Variants in CDK5RAP1 observed in about 807,000 individuals in gnomAD.
The protein encoded by CDK5RAP1 is mitochondrial tRNA methylthiotransferase CDK5RAP1.
CDK5RAP1 carries 62 observed loss-of-function variants against 64.5 expected under a neutral mutation model. The observed-to-expected ratio is 0.96, with a 90% confidence interval of 0.78 to 1.19. The LOEUF (loss-of-function observed/expected upper bound fraction) is 1.19, where lower values mean the gene tolerates loss of function less well. Ranked by LOEUF, CDK5RAP1 falls within the 50% of genes most tolerant of loss-of-function variation. The pLI is 0.00. For missense variants in CDK5RAP1, 657 were observed against 735.0 expected, an observed-to-expected ratio of 0.89 and a Z score of 1.23; for synonymous variants, 250 against 261.9, an observed-to-expected ratio of 0.95 and a Z score of 0.44.
chr20:33,392,502 T>TA (rs1213605526), intron 4 of CDK5RAP1, among the ~76,000 whole-genome samples: 1 of 150,944 alleles, frequency 6.6e-6, no homozygotes, highest in Non-Finnish European at 1.5e-5. Flanking sequence ...CAGCTATTAT[T>TA]AGTGTTAGTG....
chr20:33,395,405 T>C (rs1227819672), intron 2 of CDK5RAP1, among the ~76,000 whole-genome samples: 1 of 152,034 alleles, frequency 6.6e-6, no homozygotes, highest in Admixed American at 6.6e-5. Flanking sequence ...CCCAGGAGTT[T>C]GAGACCAGCC....
chr20:33,360,030 A>G, intron 13 of CDK5RAP1: 1 of 251,660 alleles, frequency 4.0e-6, no homozygotes, highest in South Asian at 7.7e-5. Context: ...GTTGATCTCC[A>G]ACAGGGAACA....
intron 5 of CDK5RAP1, among the ~76,000 whole-genome samples, chr20:33,388,831 T>A (rs552546084): frequency 1.3e-5 from 2 of 152,226 alleles, no homozygotes; most frequent in East Asian, 3.9e-4. Flanking sequence ...TTCGCTGTGT[T>A]GGCCGGGCTG....
rs2146574727 is a variant in CDK5RAP1 at position 33,361,952 on chromosome 20, T to C, written c.1543-1461A>G. Among the ~76,000 whole-genome samples the C allele has an allele frequency of 4.0e-5, 3 of 75,274 alleles. No homozygotes were observed. In the South Asian group the frequency reaches 1.6e-3, roughly 40 times the overall value. 49.4% of individuals were successfully genotyped at this position (75,274 alleles called of 152,430 possible). A position where few individuals can be genotyped will look rare whatever the true frequency, so the allele number is the denominator to read the frequency against. On this transcript the variant is annotated intron_variant, in intron 12 of 13. Coordinates refer to ENST00000346416, the MANE Select transcript of CDK5RAP1 (RefSeq NM_016408.4). ...GTGTGGGCAACAGAGTGAGCCTCAGTCTCAAAAAAAAAAAAAAAAAAAAGG... is the reference window on the plus strand; with the variant it reads ...GTGTGGGCAACAGAGTGAGCCTCAGCCTCAAAAAAAAAAAAAAAAAAAAGG...
At chr20:33,369,704 C>A (rs1984665101) in intron 11 of CDK5RAP1, among the ~76,000 whole-genome samples, 2 of 152,080 alleles carry the variant, frequency 1.3e-5, no homozygotes, top group South Asian at 4.1e-4. Flanking sequence ...CTGCCTGAGC[C>A]AGGAGTTTGA....
At position 33,366,850 on chromosome 20, in the gene CDK5RAP1, T is replaced by C. The variant is rs374120005; in HGVS notation, c.1542+9A>G. On this transcript the variant is annotated intron_variant, in intron 12 of 13. Transcript: ENST00000346416. ...AAAAACAACATAACACACACACATA[T>C]GGCCTCACCCCTTCCACTAGCACCA... The C allele has an allele frequency of 1.2e-5, 19 of 1,607,570 alleles. No individual in the cohort carries two copies. Among genetic ancestry groups the C allele is most frequent in the Admixed American group, 1.7e-5 (1 of 58,050 alleles).
chr20:33,387,761 T>C (rs1282518535), intron 5 of CDK5RAP1, among the ~76,000 whole-genome samples: 1 of 152,076 alleles, frequency 6.6e-6, no homozygotes, highest in Admixed American at 6.6e-5. Flanking sequence ...TTCAATTAAA[T>C]GCCCAGAAAA....
rs1982445776 is a variant in CDK5RAP1, at chr20:33,359,195, A to G, written c.1684-72T>C. The G allele has an allele frequency of 1.1e-5, 13 of 1,151,256 alleles. No individual in the cohort carries two copies. In the South Asian group the frequency reaches 1.6e-4, roughly 14 times the overall value. The allele number at this position is 1,151,256 out of a possible 1,614,324, so 71.3% of individuals were successfully genotyped here. A position where few individuals can be genotyped will look rare whatever the true frequency, so the allele number is the denominator to read the frequency against. On this transcript the variant is annotated intron_variant, in intron 13 of 13. Transcript: ENST00000346416. ...CACTGGGACTTCATGTGGAGCCTCT[A>G]GAGGAGAAGCCCCCAAAAGGAATCT... is the stretch of plus-strand genomic sequence containing the variant.
intron 7 of CDK5RAP1, among the ~76,000 whole-genome samples, chr20:33,382,468 G>A (rs1986877405): frequency 6.6e-6 from 1 of 152,128 alleles, no homozygotes; most frequent in Non-Finnish European, 1.5e-5. Context: ...ATCACCTGAG[G>A]TCAGGAGTTC....
chr20:33,393,922 A>C (rs1600805834), intron 4 of CDK5RAP1, 110 bp downstream of exon 4: 1 of 790,994 alleles, frequency 1.3e-6, no homozygotes, highest in Non-Finnish European at 2.3e-6. Flanking sequence ...TGCAAGTCCT[A>C]CTGCCATGGG....
At chr20:33,395,178 A>G in intron 2 of CDK5RAP1, 62 bp from the exon 3 acceptor site, 1 of 927,820 alleles carries the variant, frequency 1.1e-6, no homozygotes, top group Non-Finnish European at 1.8e-6. Flanking sequence ...CGTGTCTCAA[A>G]AGGTCTCCTT....
chr20:33,360,504 G>A lies in CDK5RAP1; in HGVS notation c.1543-13C>T, dbSNP rs781458298. Reference sequence around the variant, plus strand: ...AGCGTTTACTGAGCTGCAGAAAGAAGAGAGAAGAGTTCGTGGATTTGTCAC... The same window carrying A: ...AGCGTTTACTGAGCTGCAGAAAGAAAAGAGAAGAGTTCGTGGATTTGTCAC... On this transcript the variant is annotated splice_polypyrimidine_tract_variant and intron_variant, in intron 12 of 13. Transcript: ENST00000346416. The A allele has an allele frequency of 6.2e-7, 1 of 1,602,138 alleles. No homozygotes were observed. Among genetic ancestry groups the A allele is most frequent in the South Asian group, 1.1e-5 (1 of 89,094 alleles).
intron 4 of CDK5RAP1, among the ~76,000 whole-genome samples, chr20:33,393,347 TTTGA>T (rs1191776975): frequency 1.6e-4 from 25 of 152,006 alleles, no homozygotes; most frequent in African/African-American, 6.0e-4. Flanking sequence ...AGCCTCATTG[TTTGA>T]TTTTTTTTGA....
intron 12 of CDK5RAP1, among the ~76,000 whole-genome samples, chr20:33,366,293 T>TGGTCA: frequency 8.3e-6 from 1 of 120,854 alleles, no homozygotes; most frequent in African/African-American, 3.3e-5. Context: ...CACTCCAGCC[T>TGGTCA]AAGTGAAAGA....
rs1986455362 is a variant in CDK5RAP1, at chr20:33,379,401, C to G, written c.1107+60G>C. 42 of 1,262,360 alleles carry G rather than the reference C, an allele frequency of 3.3e-5. 1 individual carries two copies. The South Asian group carries it at 5.3e-4, about 16-fold the overall frequency. The allele number at this position is 1,262,360 out of a possible 1,614,324, so 78.2% of individuals were successfully genotyped here. A position where few individuals can be genotyped will look rare whatever the true frequency, so the allele number is the denominator to read the frequency against. On this transcript the variant is annotated intron_variant, in intron 8 of 13. Coordinates refer to ENST00000346416, the MANE Select transcript of CDK5RAP1 (RefSeq NM_016408.4). ...GTCTCTGCTGCATCCCTACTGGGTC[C>G]AGCCTTTGGCATGCTCAAGAATACT...
intron 13 of CDK5RAP1, 68 bp downstream of exon 13, chr20:33,360,283 A>T: frequency 6.7e-7 from 1 of 1,500,402 alleles, no homozygotes; most frequent in Non-Finnish European, 9.1e-7. Context: ...AAAAAACTTT[A>T]TTACCACAAA....
rs527565301 is a variant in CDK5RAP1, at chr20:33,380,776, G to A, written c.877-1085C>T. ...CCCAGTACTTTGGGAGGCCAAGGTG[G>A]GCGGATCACACGGTCAGGAGTTCAG... On this transcript the variant is annotated intron_variant, in intron 7 of 13. Transcript: ENST00000346416. Among the ~76,000 whole-genome samples, 196 of 152,240 alleles carry A rather than the reference G, an allele frequency of 1.3e-3. 2 individuals are homozygous for A. Among genetic ancestry groups the A allele is most frequent in the Non-Finnish European group, 9.9e-4 (67 of 68,000 alleles).
At chr20:33,389,366 AGTG>A (rs1376954719) in intron 5 of CDK5RAP1, among the ~76,000 whole-genome samples, 1 of 149,492 alleles carries the variant, frequency 6.7e-6, no homozygotes, top group African/African-American at 2.5e-5. Flanking sequence ...CCGTCTGAGA[AGTG>A]AGGAGCCCCT....
In CDK5RAP1 at chr20:33,401,455, TC is replaced by T; in HGVS notation, c.-49del. The stretch of plus-strand genomic sequence containing the variant: ...CCCGCAGCAGCAACAGTGCCCGGGG[TC>T]CCGCAGCGTAAGTTCTGCCGGCAAG... On this transcript the variant is annotated 5_prime_UTR_variant, in exon 1 of 14. Transcript: ENST00000346416. 1.0e-6 allele frequency: 1 copy of T among 985,410 alleles called. No individual in the cohort carries two copies. The highest frequency in any genetic ancestry group is 4.7e-5 in the South Asian group (1 of 21,290). 61.0% of individuals were successfully genotyped at this position (985,410 alleles called of 1,614,324 possible).
Sources: allele counts gnomAD v4.1 joint callset (sites outside exome capture counted in the v4.1 genomes callset), GRCh38; gene constraint gnomAD v4.1.1; transcripts MANE v1.5; gene names NCBI Gene and HGNC (gene_info 2026-07-23, HGNC 2026-07-21).